Variants in SCYL2 observed in about 807,000 individuals in gnomAD.
SCYL2 encodes the protein SCY1-like protein 2.
In SCYL2, 36 loss-of-function variants were observed where a neutral mutation model predicts 100.4. The ratio of observed to expected loss-of-function variants is 0.36; its 90% CI spans 0.27 to 0.47. The LOEUF is 0.47. SCYL2 is among the 20% of genes least tolerant of loss of function. The pLI is 1.00. For missense variants in SCYL2, 902 were observed against 1,083.9 expected (o/e 0.83, Z 2.36); for synonymous variants, 330 against 359.2 (o/e 0.92, Z 0.92).
chr12:100,316,138 TTG>T (rs2135908341), intron 9 of SCYL2, among the ~76,000 whole-genome samples: 1 of 152,400 alleles, frequency 6.6e-6, no homozygotes, highest in South Asian at 2.1e-4. Context: ...TGTAGGTGCT[TTG>T]TGCCAGTTGT....
chr12:100,307,632 A>G (rs2096336269), intron 4 of SCYL2, among the ~76,000 whole-genome samples: 1 of 152,236 alleles, frequency 6.6e-6, no homozygotes, highest in South Asian at 2.1e-4. Flanking sequence ...ACAAAAGCCA[A>G]ACTTGAGAAG....
At chr12:100,317,724 G>C (rs2096350604) in intron 9 of SCYL2, 79 bp from the exon 10 acceptor site, 2 of 1,464,336 alleles carry the variant, frequency 1.4e-6, no homozygotes, top group South Asian at 3.0e-5. Flanking sequence ...TTATTCTTTT[G>C]AAGAAGCTTT....
intron 13 of SCYL2, among the ~76,000 whole-genome samples, chr12:100,332,848 A>G (rs1249556491): frequency 1.3e-5 from 2 of 151,392 alleles, no homozygotes; most frequent in Non-Finnish European, 2.9e-5. Context: ...CCAAGTAGCT[A>G]GGACTACAGG....
chr12:100,302,317 A>G (rs1566356278), intron 4 of SCYL2, among the ~76,000 whole-genome samples: 1 of 152,146 alleles, frequency 6.6e-6, no homozygotes, highest in Admixed American at 6.6e-5. Flanking sequence ...AGTTGACTCT[A>G]AGCCCAGCCC....
chr12:100,284,682 C>T (rs375375208), intron 2 of SCYL2, among the ~76,000 whole-genome samples: 4 of 152,174 alleles, frequency 2.6e-5, no homozygotes, highest in East Asian at 3.9e-4. Flanking sequence ...AGACTGCTCT[C>T]GAACTCCTGA....
At chr12:100,288,651 CAT>C (rs935913402) in intron 2 of SCYL2, among the ~76,000 whole-genome samples, 1 of 151,908 alleles carries the variant, frequency 6.6e-6, no homozygotes, top group African/African-American at 2.4e-5. Context: ...GCCTGGACAA[CAT>C]AGTGAGACCT....
At chr12:100,290,499 GGTTGA>G (rs1751732864) in intron 2 of SCYL2, among the ~76,000 whole-genome samples, 1 of 152,110 alleles carries the variant, frequency 6.6e-6, no homozygotes, top group African/African-American at 2.4e-5. Context: ...TCTATGAGAT[GGTTGA>G]GTTGCCAGGC....
At chr12:100,319,326 T>C in intron 10 of SCYL2, 1 of 452,688 alleles carries the variant, frequency 2.2e-6, no homozygotes, top group Non-Finnish European at 4.4e-6. Context: ...TTAAAGAAAT[T>C]GTGAATTATA....
At chr12:100,335,771 T>G in intron 15 of SCYL2, 40 bp from the exon 16 acceptor site, 2 of 1,598,306 alleles carry the variant, frequency 1.3e-6, no homozygotes, top group South Asian at 2.2e-5. Flanking sequence ...ATCACATTTT[T>G]ATTGAACTTA....
intron 17 of SCYL2, 101 bp downstream of exon 17, chr12:100,337,607 A>C: frequency 7.2e-6 from 8 of 1,117,570 alleles, no homozygotes; most frequent in Non-Finnish European, 1.1e-5. Context: ...AATATATCTC[A>C]AATAATACCT....
intron 1 of SCYL2, among the ~76,000 whole-genome samples, chr12:100,276,359 C>A (rs984977955): frequency 3.3e-5 from 5 of 151,768 alleles, no homozygotes; most frequent in Admixed American, 2.6e-4. Context: ...GAAATAGGAT[C>A]CCACTCTTTG....
intron 8 of SCYL2, among the ~76,000 whole-genome samples, chr12:100,315,273 C>T (rs1592957374): frequency 6.6e-6 from 1 of 152,100 alleles, no homozygotes; most frequent in East Asian, 1.9e-4. Context: ...ATGAAGGAAT[C>T]AAGAGGAAAA....
chr12:100,331,113 A>G (rs1487263296), intron 13 of SCYL2, among the ~76,000 whole-genome samples: 1 of 152,024 alleles, frequency 6.6e-6, no homozygotes, highest in Admixed American at 6.6e-5. Context: ...GGCATGAGCC[A>G]CCATGCCTGG....
intron 4 of SCYL2, among the ~76,000 whole-genome samples, chr12:100,301,161 G>T (rs527835757): frequency 3.5e-4 from 54 of 152,248 alleles, no homozygotes; most frequent in African/African-American, 1.3e-3. Context: ...TCCAGCATTT[G>T]TTACTGCCTG....
intron 1 of SCYL2, among the ~76,000 whole-genome samples, chr12:100,280,699 A>G (rs1418734920): frequency 6.6e-6 from 1 of 152,180 alleles, no homozygotes; most frequent in African/African-American, 2.4e-5. Flanking sequence ...TTGAGCAGTG[A>G]TATGGTGCTT....
chr12:100,323,386 G>A (rs1376876559), intron 10 of SCYL2, 139 bp from the exon 11 acceptor site: 1 of 606,796 alleles, frequency 1.6e-6, no homozygotes, highest in African/African-American at 1.9e-5. Flanking sequence ...TCAAAGAGTT[G>A]TTGAAAGGAC....
intron 9 of SCYL2, among the ~76,000 whole-genome samples, chr12:100,316,697 G>A (rs955879138): frequency 6.6e-6 from 1 of 152,184 alleles, no homozygotes; most frequent in Non-Finnish European, 1.5e-5. Flanking sequence ...AGGGAAAGTT[G>A]GTGGAGCCAC....
chr12:100,334,217 G>T lies in SCYL2; in HGVS notation c.1813G>T (p.Glu605Ter). The T allele has an allele frequency of 6.2e-7, 1 of 1,606,130 alleles. No individual in the cohort carries two copies. The highest frequency in any genetic ancestry group is 1.1e-5 in the South Asian group (1 of 90,886). Reference protein sequence around the residue: ...IKEMLNRLESEHKTKLEQLHI... With the variant: ...IKEMLNRLES ...AGAAATGCTTAATAGATTGGAGTCT[G>T]AACATAAGACTAAACTGGAGCAACT... Residue 605 changes from glutamate (E) to a stop codon, truncating the protein, a stop_gained, in exon 14 of 18, where the codon GAA (glutamate) becomes TAA (stop). Coordinates refer to ENST00000360820, the MANE Select transcript of SCYL2 (RefSeq NM_017988.6). LOFTEE classifies it high-confidence loss of function.
intron 8 of SCYL2, among the ~76,000 whole-genome samples, 168 bp downstream of exon 8, chr12:100,314,782 C>T (rs994007730): frequency 5.9e-5 from 9 of 151,866 alleles, no homozygotes; most frequent in African/African-American, 1.9e-4. Flanking sequence ...CCTTTTTTTG[C>T]GTGGTCCAAA....
Sources: gnomAD v4.1 joint callset for allele counts (sites outside exome capture counted in the v4.1 genomes callset) on GRCh38, gnomAD v4.1.1 for gene constraint, MANE v1.5 for transcripts, NCBI Gene and HGNC (gene_info 2026-07-23, HGNC 2026-07-21) for gene names.